The following CFAP53 variants were observed in gnomAD, a reference collection of about 807,000 sequenced individuals.
CFAP53 encodes the protein cilia- and flagella-associated protein 53.
In CFAP53, 62 loss-of-function variants were observed where a neutral mutation model predicts 59.7. The observed-to-expected ratio is 1.04, with a 90% CI of 0.85 to 1.28. The LOEUF is 1.28. Among genes scored for constraint, CFAP53 ranks in the 50% most tolerant of loss-of-function variants. CFAP53 has a pLI of 0.00. For synonymous variants in CFAP53, 218 were observed against 205.7 expected (o/e 1.06, Z -0.51); for missense variants, 629 against 615.6 (o/e 1.02, Z -0.23).
At chr18:50,265,364 A>T (rs1424895961) in intron 1 of CFAP53, among the ~76,000 whole-genome samples, 1 of 152,246 alleles carries the variant, frequency 6.6e-6, no homozygotes, top group Non-Finnish European at 1.5e-5. Context: ...AAATATAAAT[A>T]AATTCTGTGT....
intron 3 of CFAP53, among the ~76,000 whole-genome samples, chr18:50,252,104 TTTTTTC>T (rs899320501): frequency 9.0e-4 from 7 of 7,794 alleles, no homozygotes; most frequent in African/African-American, 1.2e-3. Context: ...GTTGCTTACT[TTTTTTC>T]TTTTTTTTTT....
At chr18:50,244,407 T>C (rs1390561968) in intron 5 of CFAP53, among the ~76,000 whole-genome samples, 1 of 152,188 alleles carries the variant, frequency 6.6e-6, no homozygotes, top group African/African-American at 2.4e-5. Context: ...CCTTCCACTG[T>C]GATTTTAAGT....
chr18:50,261,234 T>C lies in CFAP53; in HGVS notation c.303A>G (p.Leu101=). The part of the protein sequence containing the change: ...IINIEERRNK[L]RELLALEENE... ...TTTCTTCTAATGCTAAAAGCTCACG[T>C]AGCCTGAAACAAAAAGCCAAAAAAA... The change falls in exon 3 of 8, where the codon CTA becomes CTG. Residue 101 remains leucine, a synonymous_variant. Coordinates refer to ENST00000398545, the MANE Select transcript of CFAP53 (RefSeq NM_145020.5). 7.0e-7 allele frequency: 1 copy of C among 1,437,308 alleles called. No individual in the cohort carries two copies. The highest frequency in any genetic ancestry group is 9.1e-7 in the Non-Finnish European group (1 of 1,101,102). 89.0% of individuals were successfully genotyped at this position (1,437,308 alleles called of 1,614,324 possible).
intron 7 of CFAP53, among the ~76,000 whole-genome samples, chr18:50,235,945 T>C (rs1465844444): frequency 6.6e-6 from 1 of 152,176 alleles, no homozygotes; most frequent in Non-Finnish European, 1.5e-5. Flanking sequence ...GTTGCTCTGT[T>C]GGGGGAAATG....
intron 7 of CFAP53, among the ~76,000 whole-genome samples, chr18:50,233,914 T>C (rs2033606227): frequency 6.6e-6 from 1 of 152,178 alleles, no homozygotes; most frequent in African/African-American, 2.4e-5. Context: ...GGCCAATTGA[T>C]TCCTCATGGC....
At chr18:50,262,309 T>G in intron 1 of CFAP53, 90 bp from the exon 2 acceptor site, 2 of 1,061,694 alleles carry the variant, frequency 1.9e-6, no homozygotes, top group Non-Finnish European at 2.8e-6. Flanking sequence ...ATACTCATAC[T>G]AAATAAAATT....
chr18:50,261,888 TCTC>T, intron 2 of CFAP53, 99 bp downstream of exon 2: 1 of 804,684 alleles, frequency 1.2e-6, no homozygotes, highest in Non-Finnish European at 2.1e-6. Flanking sequence ...AATATAAACA[TCTC>T]AGCCATGATC....
At chr18:50,237,370 A>ACACG (rs1568151568) in intron 7 of CFAP53, among the ~76,000 whole-genome samples, 1 of 110,290 alleles carries the variant, frequency 9.1e-6, no homozygotes, top group East Asian at 3.1e-4. Context: ...ATATATATAC[A>ACACG]CACACACACA....
chr18:50,237,383 CAT>C lies in CFAP53; in HGVS notation c.1316+1218_1316+1219del, dbSNP rs1555671390. The stretch of plus-strand genomic sequence containing the variant: ...ACATATATATACACACACACACACA[CAT>C]ACACACACACACACACACATATATA... On this transcript the variant is annotated intron_variant, in intron 7 of 7. Transcript: ENST00000398545. Among the ~76,000 whole-genome samples the C allele has an allele frequency of 6.3e-3, 463 of 74,060 alleles. 4 individuals carry two copies. Among genetic ancestry groups the C allele is most frequent in the Admixed American group, 9.5e-3 (51 of 5,348 alleles). 48.6% of individuals were successfully genotyped at this position (74,060 alleles called of 152,430 possible).
chr18:50,254,734 C>CA (rs1247026960), intron 3 of CFAP53, among the ~76,000 whole-genome samples: 1 of 151,976 alleles, frequency 6.6e-6, no homozygotes, highest in African/African-American at 2.4e-5. Context: ...ACTAAAAATA[C>CA]AAAAAATTAG....
Position 50,250,955 on chromosome 18 carries a change from T to C in CFAP53, c.799A>G (p.Lys267Glu), listed in dbSNP as rs1475194830. The change falls in exon 5 of 8, where the codon AAA (lysine) becomes GAA (glutamate). Residue 267 changes from lysine (K) to glutamate (E), a missense_variant. By Grantham distance (56) the Lys-to-Glu change is moderately conservative. Transcript: ENST00000398545. ...RLVESNNAQI[K>E]HENEQDMLKK... ...AGCATATCCTGTTCATTCTCATGTTTAATCTGTGCGTTGTTACTTTCCTAA... is the reference window on the plus strand; with the variant it reads ...AGCATATCCTGTTCATTCTCATGTTCAATCTGTGCGTTGTTACTTTCCTAA... The C allele has an allele frequency of 2.5e-6, 4 of 1,614,130 alleles. No individual in the cohort carries two copies. The highest frequency in any genetic ancestry group is 3.4e-6 in the Non-Finnish European group (4 of 1,179,994).
chr18:50,251,886 G>A lies in CFAP53; in HGVS notation c.474-102C>T, dbSNP rs116212089. 1.2e-3 allele frequency: 1,279 copies of A among 1,049,292 alleles called. 13 individuals are homozygous for A. The African/African-American group carries it at 0.019, about 15-fold the overall frequency. The allele number at this position is 1,049,292 out of a possible 1,614,324, so 65.0% of individuals were successfully genotyped here. On this transcript the variant is annotated intron_variant, in intron 3 of 7. Transcript: ENST00000398545. ...TCACACAATGAAGCAAGAAAAATCAGAGACCTGGATGCAGGCCATCGGAGC... is the reference window on the plus strand; with the variant it reads ...TCACACAATGAAGCAAGAAAAATCAAAGACCTGGATGCAGGCCATCGGAGC...
At chr18:50,256,250 G>A (rs894140558) in intron 3 of CFAP53, 1 of 152,132 alleles carries the variant, frequency 6.6e-6, no homozygotes, top group Non-Finnish European at 1.5e-5. Flanking sequence ...ATGGTCCATT[G>A]AGAGTCACTT....
intron 3 of CFAP53, among the ~76,000 whole-genome samples, chr18:50,255,581 A>T (rs959587281): frequency 6.6e-6 from 1 of 151,588 alleles, no homozygotes; most frequent in Non-Finnish European, 1.5e-5. Context: ...AAATACAAAA[A>T]AAAACCACTG....
chr18:50,246,655 C>A (rs2033748012), intron 5 of CFAP53, among the ~76,000 whole-genome samples: 1 of 152,068 alleles, frequency 6.6e-6, no homozygotes, highest in Non-Finnish European at 1.5e-5. Context: ...TTTTGTGATT[C>A]AAAGGACATC....
At chr18:50,238,462 G>A (rs2033657728) in intron 7 of CFAP53, 141 bp downstream of exon 7, 2 of 579,588 alleles carry the variant, frequency 3.5e-6, no homozygotes, top group Non-Finnish European at 6.1e-6. Flanking sequence ...ATACTGCCCA[G>A]GCTAATCTCA....
intron 7 of CFAP53, among the ~76,000 whole-genome samples, chr18:50,235,724 T>G (rs1420066347): frequency 6.6e-6 from 1 of 152,198 alleles, no homozygotes; most frequent in Non-Finnish European, 1.5e-5. Context: ...GACTCTCCTT[T>G]GGATGCAACA....
chr18:50,258,497 C>T (rs1362037109), intron 3 of CFAP53, among the ~76,000 whole-genome samples: 2 of 152,134 alleles, frequency 1.3e-5, no homozygotes, highest in Admixed American at 1.3e-4. Context: ...AACTATGAAA[C>T]TACTACAAGA....
At chr18:50,265,715 G>C (rs1208406089) in intron 1 of CFAP53, among the ~76,000 whole-genome samples, 2 of 152,204 alleles carry the variant, frequency 1.3e-5, no homozygotes, top group Admixed American at 1.3e-4. Flanking sequence ...GTTCTCAGCA[G>C]GAACCATCAA....
Sources: allele counts gnomAD v4.1 joint callset (sites outside exome capture counted in the v4.1 genomes callset), GRCh38; gene constraint gnomAD v4.1.1; transcripts MANE v1.5; gene names NCBI Gene and HGNC (gene_info 2026-07-23, HGNC 2026-07-21).